Variants in CEACAM19 observed in about 807,000 individuals in gnomAD.
The protein encoded by CEACAM19 is CEA cell adhesion molecule 19, also known as cell adhesion molecule CEACAM19.
A neutral mutation model predicts 37.6 loss-of-function variants in CEACAM19; 37 were observed. That is an observed-to-expected ratio of 0.98 (90% CI 0.76 to 1.29). CEACAM19 has a LOEUF of 1.29. CEACAM19 is among the 50% of genes most tolerant of loss of function. The pLI, the probability that CEACAM19 is intolerant of heterozygous loss-of-function variation, is 0.00. For synonymous variants in CEACAM19, 140 were observed against 149.8 expected, an observed-to-expected ratio of 0.93 and a Z score of 0.48; for missense variants, 340 against 375.6, an observed-to-expected ratio of 0.91 and a Z score of 0.78.
chr19:44,675,762 G>A (rs1973936570), intron 2 of CEACAM19, among the ~76,000 whole-genome samples: 1 of 151,584 alleles, frequency 6.6e-6, no homozygotes, highest in South Asian at 2.1e-4. Context: ...TTCCAGCCTG[G>A]GCAACAGAGT....
intron 2 of CEACAM19, 50 bp downstream of exon 2, chr19:44,673,014 C>G: frequency 1.4e-6 from 2 of 1,403,962 alleles, no homozygotes; most frequent in Non-Finnish European, 1.9e-6. Context: ...GAGCCCTGAG[C>G]AGCTACCATG....
At chr19:44,672,987 G>T in intron 2 of CEACAM19, 23 bp downstream of exon 2, 2 of 1,451,764 alleles carry the variant, frequency 1.4e-6, no homozygotes, top group South Asian at 3.1e-5. Context: ...GTCTGGGGAT[G>T]AGGTGAGGAA....
Position 44,672,598 on chromosome 19 carries a change from T to G in CEACAM19, c.58T>G (p.Ser20Ala). The change falls in exon 2 of 8, where the codon TCA (serine) becomes GCA (alanine). Residue 20 changes from serine (S) to alanine (A), a missense_variant and splice_region_variant. Physicochemically the swap from Ser to Ala is moderately conservative, Grantham distance 99. Coordinates refer to ENST00000358777, the MANE Select transcript of CEACAM19 (RefSeq NM_001127893.3). The stretch of plus-strand genomic sequence containing the variant: ...CCCTTCCCTGTAACTTCCCACAGCC[T>G]CAATCCTGGTCCTCTGGATGCTCCA... The part of the protein sequence containing the change: ...CFSKSLLLSA[S>A]ILVLWMLQGS... 1 of 1,463,874 alleles carries G rather than the reference T, an allele frequency of 6.8e-7. No homozygotes were observed. The highest frequency in any genetic ancestry group is 1.5e-5 in the South Asian group (1 of 65,844). 90.7% of individuals were successfully genotyped at this position (1,463,874 alleles called of 1,614,324 possible).
At chr19:44,679,961 T>C (rs929034867) in intron 4 of CEACAM19, among the ~76,000 whole-genome samples, 5 of 152,048 alleles carry the variant, frequency 3.3e-5, no homozygotes, top group South Asian at 2.1e-4. Flanking sequence ...TAAATAAGGG[T>C]ATTCAAATGA....
At chr19:44,668,503 T>TTA (rs1358283554), upstream of CEACAM19, among the ~76,000 whole-genome samples, 24 of 75,464 alleles carry the variant, frequency 3.2e-4, no homozygotes, top group African/African-American at 1.3e-3. Flanking sequence ...ATTATATATA[T>TTA]TATATATTAG....
At chr19:44,682,880 C>T in intron 7 of CEACAM19, 1 of 437,326 alleles carries the variant, frequency 2.3e-6, no homozygotes, top group Non-Finnish European at 4.1e-6. Flanking sequence ...GGAACAAGGC[C>T]CAGAGAGGGA....
intron 2 of CEACAM19, 136 bp from the exon 3 acceptor site, chr19:44,676,135 G>A: frequency 1.1e-6 from 1 of 884,198 alleles, no homozygotes; most frequent in Non-Finnish European, 1.7e-6. Context: ...AAAAGCAGGA[G>A]AAAGCTCTGG....
Position 44,676,320 on chromosome 19 carries a change from C to A in CEACAM19, c.474C>A (p.Ile158=). The A allele has an allele frequency of 6.2e-7, 1 of 1,614,128 alleles. No individual in the cohort carries two copies. The highest frequency in any genetic ancestry group is 8.5e-7 in the Non-Finnish European group (1 of 1,180,014). ...CACACCTGCCCACCAACGCTGGGAT[C>A]CTGGCGGCCACCATCATTGGATCTC... is the stretch of plus-strand genomic sequence containing the variant. ...PSTHLPTNAG[I]LAATIIGSLA... The change falls in exon 3 of 8, where the codon ATC becomes ATA. Residue 158 remains isoleucine, a synonymous_variant. Coordinates refer to ENST00000358777, the MANE Select transcript of CEACAM19 (RefSeq NM_001127893.3).
chr19:44,681,375 G>C, intron 6 of CEACAM19, 63 bp downstream of exon 6: 1 of 1,109,006 alleles, frequency 9.0e-7, no homozygotes, highest in East Asian at 2.5e-5. Flanking sequence ...TCTCTGAGCT[G>C]GCTGTGGTCC....
At chr19:44,667,813 T>C (rs1277760853), upstream of CEACAM19, among the ~76,000 whole-genome samples, 1 of 72,722 alleles carries the variant, frequency 1.4e-5, no homozygotes, top group African/African-American at 5.8e-5. Flanking sequence ...AATTTATATA[T>C]TATATATAAA....
chr19:44,675,287 C>T (rs1254304920), intron 2 of CEACAM19, among the ~76,000 whole-genome samples: 1 of 152,094 alleles, frequency 6.6e-6, no homozygotes, highest in African/African-American at 2.4e-5. Flanking sequence ...AGCTTAGCTG[C>T]CAAGACGGGT....
At chr19:44,679,287 T>C (rs1278065060) in intron 4 of CEACAM19, among the ~76,000 whole-genome samples, 1 of 152,172 alleles carries the variant, frequency 6.6e-6, no homozygotes, top group African/African-American at 2.4e-5. Flanking sequence ...GCCATTTCAC[T>C]TGGTTCCAGT....
In CEACAM19 at chr19:44,683,347, C is replaced by T. The variant is rs529762190; in HGVS notation, c.847-90C>T. On this transcript the variant is annotated intron_variant, in intron 7 of 7. Coordinates refer to ENST00000358777, the MANE Select transcript of CEACAM19 (RefSeq NM_001127893.3). ...TCTCTGCGGGTTTCTCTCCATCTCA[C>T]GCTGTCTCTCATCCTCTGTCCCTCT... 65 of 540,172 alleles carry T rather than the reference C, an allele frequency of 1.2e-4. 1 individual carries two copies. The highest frequency in any genetic ancestry group is 1.1e-3 in the South Asian group (41 of 36,730). 33.5% of individuals were successfully genotyped at this position (540,172 alleles called of 1,614,324 possible).
At chr19:44,681,673 T>C (rs1974062782) in intron 6 of CEACAM19, among the ~76,000 whole-genome samples, 1 of 152,224 alleles carries the variant, frequency 6.6e-6, no homozygotes, top group African/African-American at 2.4e-5. Flanking sequence ...CTCACGCCTA[T>C]AATTCTAGCA....
upstream of CEACAM19, among the ~76,000 whole-genome samples, chr19:44,668,003 AGATTT>A (rs1397484409): frequency 0.17 from 6 of 36 alleles, 1 homozygote; most frequent in South Asian, 0.5. Flanking sequence ...ATATTTATAT[AGATTT>A]ATATTATTTA....
At chr19:44,672,174 T>C (rs1165593921) in intron 1 of CEACAM19, among the ~76,000 whole-genome samples, 188 bp downstream of exon 1, 2 of 152,154 alleles carry the variant, frequency 1.3e-5, no homozygotes, top group African/African-American at 2.4e-5. Context: ...GTTAGGACCA[T>C]GAAGGCAGGA....
intron 2 of CEACAM19, among the ~76,000 whole-genome samples, chr19:44,674,420 T>C (rs926723719): frequency 2.0e-5 from 3 of 152,080 alleles, no homozygotes; most frequent in Non-Finnish European, 4.4e-5. Flanking sequence ...TCCTTCCACC[T>C]TGGCCTCCCA....
At chr19:44,682,048 G>A (rs1260828362) in intron 6 of CEACAM19, among the ~76,000 whole-genome samples, 2 of 150,640 alleles carry the variant, frequency 1.3e-5, no homozygotes, top group East Asian at 2.0e-4. Flanking sequence ...GCTTGAGGCC[G>A]GGAGTTTGAG....
chr19:44,675,534 C>G (rs1264694669), intron 2 of CEACAM19, among the ~76,000 whole-genome samples: 2 of 151,768 alleles, frequency 1.3e-5, no homozygotes, highest in Non-Finnish European at 2.9e-5. Flanking sequence ...GTCTGTAATC[C>G]CAACACTTTG....
Sources: allele counts gnomAD v4.1 joint callset (sites outside exome capture counted in the v4.1 genomes callset), GRCh38; gene constraint gnomAD v4.1.1; transcripts MANE v1.5; gene names NCBI Gene and HGNC (gene_info 2026-07-23, HGNC 2026-07-21).